Variants in MFAP4 observed in about 807,000 individuals in gnomAD.
MFAP4 encodes microfibril associated protein 4.
MFAP4 carries 20 observed loss-of-function variants against 32.4 expected under a neutral mutation model. The ratio of observed to expected loss-of-function variants is 0.62; its 90% CI spans 0.43 to 0.90. The LOEUF (loss-of-function observed/expected upper bound fraction) is 0.90. Among genes scored for constraint, MFAP4 ranks in the 40% least tolerant of loss-of-function variants. The pLI is 0.00. For missense variants in MFAP4, 267 were observed against 329.5 expected, an observed-to-expected ratio of 0.81 and a Z score of 1.47; for synonymous variants, 146 against 137.4, an observed-to-expected ratio of 1.06 and a Z score of -0.44.
Position 19,386,755 on chromosome 17 carries a change from C to T in MFAP4, c.85+5G>A. ...GGCCGCGTCTGTGAGTGTGGGGCTG[C>T]TTACCATCTCCTCGGATCCCGGAGA... is the stretch of plus-strand genomic sequence containing the variant. On this transcript the variant is annotated splice_donor_5th_base_variant and intron_variant, in intron 2 of 5. Transcript: ENST00000299610. 1.3e-6 allele frequency: 2 copies of T among 1,568,136 alleles called. No individual in the cohort carries two copies. Among genetic ancestry groups the T allele is most frequent in the East Asian group, 2.4e-5 (1 of 42,270 alleles).
Position 19,385,262 on chromosome 17 carries a change from G to C in MFAP4, c.357C>G (p.Leu119=), listed in dbSNP as rs1262672186. ...EYWLGLQNMH[L]LTLKQKYELR... is the part of the protein sequence containing the mutation. ...GCTCATACTTCTGCTTCAGTGTCAG[G>C]AGGTGCATGTTCTGCAGCCCTGGGG... The change falls in exon 5 of 6, where the codon CTC becomes CTG. Residue 119 remains leucine, a synonymous_variant. Transcript: ENST00000299610. The C allele has an allele frequency of 1.9e-6, 3 of 1,614,272 alleles. No individual in the cohort carries two copies. In the East Asian group the frequency reaches 6.7e-5, roughly 36 times the overall value.
intron 2 of MFAP4, 29 bp from the exon 3 acceptor site, chr17:19,386,493 G>A (rs1290530006): frequency 6.3e-7 from 1 of 1,598,804 alleles, no homozygotes; most frequent in Non-Finnish European, 8.5e-7. Context: ...GGACAGTGAG[G>A]AGAGTGGGAC....
chr17:19,386,976 T>TCCCC, intron 1 of MFAP4, 138 bp from the exon 2 acceptor site: 2 of 590,550 alleles, frequency 3.4e-6, no homozygotes, highest in South Asian at 1.6e-5. Flanking sequence ...CCCTCTTCCC[T>TCCCC]GCCCCCCCAC....
intron 1 of MFAP4, 66 bp from the exon 2 acceptor site, chr17:19,386,904 C>T (rs1913059994): frequency 1.3e-6 from 2 of 1,500,248 alleles, no homozygotes; most frequent in Non-Finnish European, 1.8e-6. Flanking sequence ...GTTCTCTTTG[C>T]ATTTGCCCCC....
Position 19,385,310 on chromosome 17 carries a change from G to A in MFAP4, c.338-29C>T, listed in dbSNP as rs1377596596. 3.1e-6 allele frequency: 5 copies of A among 1,614,092 alleles called. No individual in the cohort carries two copies. In the African/African-American group the frequency reaches 6.7e-5, roughly 22 times the overall value. ...GGGAGGAGGGGCAGCTGGTCAACAAGGACCTGGCCCTGGGGCAGCCCCTCA... is the reference window on the plus strand; with the variant it reads ...GGGAGGAGGGGCAGCTGGTCAACAAAGACCTGGCCCTGGGGCAGCCCCTCA... On this transcript the variant is annotated intron_variant, in intron 4 of 5. Transcript: ENST00000299610.
At position 19,385,237 on chromosome 17, in the gene MFAP4, G is replaced by A. The variant is rs1313183262; in HGVS notation, c.382C>T (p.Leu128=). The A allele has an allele frequency of 6.2e-7, 1 of 1,614,272 alleles. No individual in the cohort carries two copies. The change falls in exon 5 of 6, where the codon CTG becomes TTG. Residue 128 remains leucine (L), a synonymous_variant. Transcript: ENST00000299610. The stretch of plus-strand genomic sequence containing the variant: ...TCAAAGTCCTCCAAGTCCACTCGCA[G>A]CTCATACTTCTGCTTCAGTGTCAGG... ...HLLTLKQKYE[L]RVDLEDFENN... is the part of the protein sequence containing the mutation.
chr17:19,386,975 C>A, intron 1 of MFAP4, 137 bp from the exon 2 acceptor site: 7 of 871,550 alleles, frequency 8.0e-6, no homozygotes, highest in East Asian at 2.7e-5. Context: ...CCCCTCTTCC[C>A]TGCCCCCCCA....
At chr17:19,386,221 G>C in intron 3 of MFAP4, 89 bp downstream of exon 3, 1 of 1,232,166 alleles carries the variant, frequency 8.1e-7, no homozygotes, top group Non-Finnish European at 1.1e-6. Context: ...TTTTAAAGAT[G>C]AAGAAACTGA....
intron 3 of MFAP4, 60 bp from the exon 4 acceptor site, chr17:19,385,514 G>A: frequency 6.8e-7 from 1 of 1,460,304 alleles, no homozygotes; most frequent in Non-Finnish European, 9.5e-7. Context: ...TTCTGGTCCT[G>A]CCCTGCCCAC....
rs1052224347 is a variant in MFAP4, at chr17:19,386,082, A to C, written c.240+228T>G. Reference sequence around the variant, plus strand: ...TCCAGCAGTGAGCTGAGATGGAGCCACTGCACTCAAGCCTGGATGACAGAG... The same window carrying C: ...TCCAGCAGTGAGCTGAGATGGAGCCCCTGCACTCAAGCCTGGATGACAGAG... On this transcript the variant is annotated intron_variant, in intron 3 of 5. Transcript: ENST00000299610. Among the ~76,000 whole-genome samples the C allele has an allele frequency of 4.6e-5, 7 of 152,260 alleles. No homozygotes were observed. In the South Asian group the frequency reaches 6.2e-4, roughly 13 times the overall value.
At chr17:19,386,939 G>A in intron 1 of MFAP4, 101 bp from the exon 2 acceptor site, 1 of 1,426,302 alleles carries the variant, frequency 7.0e-7, no homozygotes, top group Non-Finnish European at 9.6e-7. Flanking sequence ...TACTGCCCTT[G>A]CCTGAATCCC....
chr17:19,385,724 T>G (rs533682917), intron 3 of MFAP4, among the ~76,000 whole-genome samples: 46 of 152,366 alleles, frequency 3.0e-4, no homozygotes, highest in African/African-American at 9.1e-4. Context: ...GGAGGCGTTC[T>G]AGAGTTCGAG....
At chr17:19,385,484 CAA>C in intron 3 of MFAP4, 30 bp from the exon 4 acceptor site, 1 of 1,605,038 alleles carries the variant, frequency 6.2e-7, no homozygotes, top group East Asian at 2.2e-5. Context: ...ACTGGATCAT[CAA>C]GGGTCCAATG....
At chr17:19,384,798 G>A in intron 5 of MFAP4, 89 bp from the exon 6 acceptor site, 1 of 1,552,538 alleles carries the variant, frequency 6.4e-7, no homozygotes, top group South Asian at 1.2e-5. Flanking sequence ...GACTGTGAGA[G>A]ATATCACGTG....
chr17:19,386,885 A>T (rs1043203341), intron 1 of MFAP4, 47 bp from the exon 2 acceptor site: 2 of 1,532,760 alleles, frequency 1.3e-6, no homozygotes, highest in African/African-American at 2.8e-5. Context: ...CCAGCTCCAG[A>T]GATCCCCTGT....
chr17:19,385,434 A>G lies in MFAP4; in HGVS notation c.261T>C (p.Asn87=). 2 of 1,614,250 alleles carry G rather than the reference A, an allele frequency of 1.2e-6. No homozygotes were observed. Among genetic ancestry groups the G allele is most frequent in the Non-Finnish European group, 1.7e-6 (2 of 1,180,044 alleles). ...AGCCGCGGAAGAAACTTACTGAGCC[A>G]TTGAATCTCTTCTGGAAAACCTGGA... ...GKWTVFQKRF[N]GSVSFFRGWN... is the part of the protein sequence containing the mutation. Residue 87 remains asparagine, a synonymous_variant, in exon 4 of 6, where the codon AAT becomes AAC. Coordinates refer to ENST00000299610, the MANE Select transcript of MFAP4 (RefSeq NM_002404.3).
Position 19,386,990 on chromosome 17 carries a change from G to A in MFAP4, c.7-152C>T, listed in dbSNP as rs187844572. 0.017 allele frequency: 5,677 copies of A among 329,316 alleles called. 89 individuals are homozygous for A. The highest frequency in any genetic ancestry group is 0.074 in the African/African-American group (1,735 of 23,458). 20.4% of individuals were successfully genotyped at this position (329,316 alleles called of 1,614,324 possible). A position where few individuals can be genotyped will look rare whatever the true frequency, so the allele number is the denominator to read the frequency against. On this transcript the variant is annotated intron_variant, in intron 1 of 5. Coordinates refer to ENST00000299610, the MANE Select transcript of MFAP4 (RefSeq NM_002404.3). ...CCCCTCTTCCCTGCCCCCCCACCCC[G>A]CCCGCCAAGTAACCCCACTCTCTGG... is the stretch of plus-strand genomic sequence containing the variant.
chr17:19,387,180 T>C lies in MFAP4; in HGVS notation c.-25A>G. 6.5e-7 allele frequency: 1 copy of C among 1,544,908 alleles called. No homozygotes were observed. On this transcript the variant is annotated 5_prime_UTR_variant, in exon 1 of 6. Transcript: ENST00000299610. ...TGCTGTCAGTTCTGCTCAGAGTGGC[T>C]GGGTGTCTGCGGCCCCAGACTGCAA...
At chr17:19,386,913 C>T in intron 1 of MFAP4, 75 bp from the exon 2 acceptor site, 1 of 1,482,046 alleles carries the variant, frequency 6.7e-7, no homozygotes, top group Non-Finnish European at 9.2e-7. Flanking sequence ...GCATTTGCCC[C>T]CACCATGCAT....
Sources: gnomAD v4.1 joint callset for allele counts (sites outside exome capture counted in the v4.1 genomes callset) on GRCh38, gnomAD v4.1.1 for gene constraint, MANE v1.5 for transcripts, NCBI Gene and HGNC (gene_info 2026-07-23, HGNC 2026-07-21) for gene names.